The following ZNRF2 variants were observed in gnomAD, a reference collection of about 807,000 sequenced individuals.
ZNRF2 encodes the protein zinc and ring finger 2, also known as E3 ubiquitin-protein ligase ZNRF2.
In ZNRF2, 16 loss-of-function variants were observed where a neutral mutation model predicts 20.4. The ratio of observed to expected loss-of-function variants is 0.79; its 90% CI spans 0.53 to 1.19. The LOEUF (loss-of-function observed/expected upper bound fraction) is 1.19. ZNRF2 is among the 50% of genes most tolerant of loss of function. ZNRF2 has a pLI of 0.00. For synonymous variants in ZNRF2, 178 were observed against 144.9 expected (o/e 1.23, Z -1.64); for missense variants, 363 against 332.4 (o/e 1.09, Z -0.72).
chr7:30,300,080 G>A (rs1157076672), intron 1 of ZNRF2, among the ~76,000 whole-genome samples: 4 of 147,298 alleles, frequency 2.7e-5, no homozygotes, highest in South Asian at 2.2e-4. Flanking sequence ...CATCCCGGCC[G>A]TAAAACCTGC....
chr7:30,355,199 C>G (rs1800017794), intron 2 of ZNRF2, among the ~76,000 whole-genome samples: 1 of 152,094 alleles, frequency 6.6e-6, no homozygotes, highest in African/African-American at 2.4e-5. Flanking sequence ...AAGTCTCTTT[C>G]AGAATCTATA....
At chr7:30,334,520 G>A (rs1397238919) in intron 2 of ZNRF2, among the ~76,000 whole-genome samples, 2 of 152,154 alleles carry the variant, frequency 1.3e-5, no homozygotes, top group Non-Finnish European at 2.9e-5. Flanking sequence ...TGGATTCTGT[G>A]AAAAATGACA....
chr7:30,356,518 A>G (rs1286583285), intron 3 of ZNRF2, among the ~76,000 whole-genome samples: 1 of 152,154 alleles, frequency 6.6e-6, no homozygotes, highest in East Asian at 1.9e-4. Context: ...TTGATAAACA[A>G]CACATTTGAA....
intron 4 of ZNRF2, among the ~76,000 whole-genome samples, chr7:30,365,630 A>G (rs940502322): frequency 9.2e-5 from 14 of 152,166 alleles, no homozygotes; most frequent in African/African-American, 3.4e-4. Flanking sequence ...AGGAGGATTC[A>G]GTGTTGTTAA....
At chr7:30,322,970 A>T (rs565482005) in intron 1 of ZNRF2, among the ~76,000 whole-genome samples, 5 of 152,344 alleles carry the variant, frequency 3.3e-5, no homozygotes, top group African/African-American at 1.2e-4. Context: ...AATACTTAGT[A>T]GTGCAGATTG....
intron 1 of ZNRF2, among the ~76,000 whole-genome samples, chr7:30,294,087 C>T (rs182957796): frequency 1.3e-5 from 2 of 152,014 alleles, no homozygotes; most frequent in East Asian, 1.9e-4. Context: ...TAATATGTTT[C>T]AGAGAGCCAG....
At position 30,355,738 on chromosome 7, in the gene ZNRF2, G is replaced by C. The variant is rs765644405; in HGVS notation, c.576G>C (p.Leu192=). The C allele has an allele frequency of 3.4e-5, 55 of 1,612,452 alleles. No homozygotes were observed. The highest frequency in any genetic ancestry group is 4.5e-5 in the Non-Finnish European group (53 of 1,178,932). Residue 192 remains leucine, a synonymous_variant, in exon 3 of 5, where the codon CTG becomes CTC. Coordinates refer to ENST00000323037, the MANE Select transcript of ZNRF2 (RefSeq NM_147128.4). ...TTTCTCTTTCTTCAGAGGATGTACT[G>C]AGTAAAGATGCTGGGGAATGTGCAA... The part of the protein sequence containing the change: ...KPRITYNEDV[L]SKDAGECAIC...
At chr7:30,303,392 AAC>A (rs1395552433) in intron 1 of ZNRF2, among the ~76,000 whole-genome samples, 1 of 152,210 alleles carries the variant, frequency 6.6e-6, no homozygotes, top group Non-Finnish European at 1.5e-5. Context: ...TTATGGCTCA[AAC>A]AAACTTTTGG....
intron 1 of ZNRF2, 97 bp from the exon 2 acceptor site, chr7:30,323,542 ATAT>A: frequency 1.4e-6 from 1 of 719,718 alleles, no homozygotes; most frequent in Admixed American, 3.0e-5. Context: ...AGTAAGTGTA[ATAT>A]TGAAGTTTCA....
intron 1 of ZNRF2, among the ~76,000 whole-genome samples, chr7:30,291,660 G>T (rs116965180): frequency 1.3e-5 from 2 of 152,166 alleles, no homozygotes; most frequent in African/African-American, 2.4e-5. Flanking sequence ...TTCCTTTCAG[G>T]CCTGTTAAAT....
intron 2 of ZNRF2, among the ~76,000 whole-genome samples, chr7:30,325,424 C>T (rs1297042752): frequency 6.6e-6 from 1 of 152,104 alleles, no homozygotes; most frequent in Non-Finnish European, 1.5e-5. Context: ...ATGGAGCTTA[C>T]AGCCTACTAA....
chr7:30,317,958 C>G (rs1373592343), intron 1 of ZNRF2, among the ~76,000 whole-genome samples: 1 of 152,122 alleles, frequency 6.6e-6, no homozygotes, highest in African/African-American at 2.4e-5. Flanking sequence ...CTGATTCATT[C>G]CATTGTTTGT....
intron 3 of ZNRF2, among the ~76,000 whole-genome samples, chr7:30,356,946 G>C (rs1419588399): frequency 1.3e-5 from 2 of 152,034 alleles, no homozygotes; most frequent in Non-Finnish European, 2.9e-5. Flanking sequence ...ACCGCATGAT[G>C]TGCCCGCCTT....
At chr7:30,322,657 T>C (rs1023220355) in intron 1 of ZNRF2, among the ~76,000 whole-genome samples, 1 of 146,406 alleles carries the variant, frequency 6.8e-6, no homozygotes, top group African/African-American at 2.5e-5. Context: ...TGTTTCTTAA[T>C]CATATTTCCA....
chr7:30,351,109 T>A (rs891346685), intron 2 of ZNRF2, among the ~76,000 whole-genome samples: 1 of 151,916 alleles, frequency 6.6e-6, no homozygotes, highest in Admixed American at 6.6e-5. Context: ...CTAAGTATTT[T>A]AATTTTGCAT....
chr7:30,295,645 A>G (rs537207040), intron 1 of ZNRF2, among the ~76,000 whole-genome samples: 14 of 152,228 alleles, frequency 9.2e-5, no homozygotes, highest in African/African-American at 2.4e-4. Flanking sequence ...AGGAGGCTGA[A>G]GTTGCAGTGA....
chr7:30,319,036 C>T (rs1799421179), intron 1 of ZNRF2, among the ~76,000 whole-genome samples: 2 of 151,622 alleles, frequency 1.3e-5, no homozygotes, highest in Non-Finnish European at 2.9e-5. Context: ...CACTTGAACC[C>T]AGGGGGTGGA....
At chr7:30,289,149 T>C (rs1798850492) in intron 1 of ZNRF2, among the ~76,000 whole-genome samples, 1 of 152,250 alleles carries the variant, frequency 6.6e-6, no homozygotes, top group Non-Finnish European at 1.5e-5. Flanking sequence ...TTTGGCCTCC[T>C]GATTTTCTTG....
chr7:30,301,163 T>C (rs143339693), intron 1 of ZNRF2, among the ~76,000 whole-genome samples: 1,670 of 152,326 alleles, frequency 0.011, 22 homozygotes, highest in Admixed American at 0.018. Flanking sequence ...ATTCCTTTAG[T>C]ATCCATGGGA....
Sources: gnomAD v4.1 joint callset for allele counts (sites outside exome capture counted in the v4.1 genomes callset) on GRCh38, gnomAD v4.1.1 for gene constraint, MANE v1.5 for transcripts, NCBI Gene and HGNC (gene_info 2026-07-23, HGNC 2026-07-21) for gene names.